The following FAM222B variants were observed in gnomAD, a reference collection of about 807,000 sequenced individuals.
The protein encoded by FAM222B is family with sequence similarity 222 member B, also known as protein FAM222B.
In FAM222B, 12 loss-of-function variants were observed where a neutral mutation model predicts 38.0. The observed-to-expected ratio is 0.32, with a 90% CI of 0.20 to 0.51. FAM222B has a LOEUF of 0.51. Ranked by LOEUF, FAM222B falls within the 20% of genes least tolerant of loss-of-function variation. The pLI, the probability that FAM222B is intolerant of heterozygous loss-of-function variation, is 0.97. For synonymous variants in FAM222B, 329 were observed against 317.2 expected, an observed-to-expected ratio of 1.04 and a Z score of -0.40; for missense variants, 716 against 754.2, an observed-to-expected ratio of 0.95 and a Z score of 0.59.
intron 1 of FAM222B, among the ~76,000 whole-genome samples, chr17:28,796,587 T>C (rs2036948348): frequency 6.6e-6 from 1 of 152,154 alleles, no homozygotes; most frequent in East Asian, 1.9e-4. Flanking sequence ...CAGTGTGTAG[T>C]AGTAAGAAGA....
intron 1 of FAM222B, among the ~76,000 whole-genome samples, chr17:28,798,974 TG>T (rs201149374): frequency 4.0e-5 from 6 of 150,272 alleles, no homozygotes; most frequent in East Asian, 2.0e-4. Flanking sequence ...GGAATCCTGT[TG>T]TTTTTTTTTT....
Position 28,756,441 on chromosome 17 carries a change from G to C in FAM222B, c.*1829C>G, listed in dbSNP as rs1597821449. 1 of 152,566 alleles carries C rather than the reference G, an allele frequency of 6.6e-6. No homozygotes were observed. Among genetic ancestry groups the C allele is most frequent in the South Asian group, 2.1e-4 (1 of 4,828 alleles). The allele number at this position is 152,566 out of a possible 1,614,324, so 9.5% of individuals were successfully genotyped here. A position where few individuals can be genotyped will look rare whatever the true frequency, so the allele number is the denominator to read the frequency against. ...AGCTCACCTTTCAGGGAGAGGTATT[G>C]GGGAGGAAAAAAAAATACAGCAAGA... On this transcript the variant is annotated 3_prime_UTR_variant, in exon 3 of 3. Coordinates refer to ENST00000581407, the MANE Select transcript of FAM222B (RefSeq NM_001077498.3).
At chr17:28,777,811 AAGGTCTCACTT>A (rs1485348436) in intron 1 of FAM222B, among the ~76,000 whole-genome samples, 2 of 151,776 alleles carry the variant, frequency 1.3e-5, no homozygotes, top group African/African-American at 4.8e-5. Flanking sequence ...TTTTTGAGAC[AAGGTCTCACTT>A]AGGTGGTCCA....
At position 28,798,592 on chromosome 17, in the gene FAM222B, G is replaced by A. The variant is rs113689773; in HGVS notation, c.-40-31885C>T. 2.7e-3 allele frequency among the ~76,000 whole-genome samples: 405 copies of A among 150,650 alleles called. 2 individuals carry two copies. The highest frequency in any genetic ancestry group is 8.8e-3 in the African/African-American group (364 of 41,194). On this transcript the variant is annotated intron_variant, in intron 1 of 2. Coordinates refer to ENST00000581407, the MANE Select transcript of FAM222B (RefSeq NM_001077498.3). ...AAAGCACTTAACCATAACTAATACA[G>A]TTTTTGTTTTCTCATGTGAAGTTTA...
chr17:28,837,344 G>A (rs574565703), intron 1 of FAM222B, among the ~76,000 whole-genome samples: 1 of 149,662 alleles, frequency 6.7e-6, no homozygotes, highest in East Asian at 2.0e-4. Flanking sequence ...GCAGGAGAAT[G>A]GCGTGAACCC....
intron 1 of FAM222B, among the ~76,000 whole-genome samples, chr17:28,826,104 C>T (rs1213583662): frequency 2.6e-5 from 4 of 151,132 alleles, no homozygotes; most frequent in Admixed American, 2.0e-4. Context: ...GAGTCTTGCT[C>T]TGTAGCCCAG....
chr17:28,761,212 C>T (rs1382961439), intron 2 of FAM222B, among the ~76,000 whole-genome samples: 8 of 152,226 alleles, frequency 5.3e-5, no homozygotes, highest in Admixed American at 5.2e-4. Flanking sequence ...GGATGTCCGG[C>T]TTCCAGTCAA....
chr17:28,850,345 G>T (rs374435178), intron 1 of FAM222B, among the ~76,000 whole-genome samples: 12 of 151,224 alleles, frequency 7.9e-5, no homozygotes, highest in Admixed American at 2.0e-4. Context: ...TCTGTCGCCC[G>T]GGCTGGAGTG....
chr17:28,781,563 T>C (rs1002556647), intron 1 of FAM222B, among the ~76,000 whole-genome samples: 3 of 152,144 alleles, frequency 2.0e-5, no homozygotes, highest in African/African-American at 7.2e-5. Flanking sequence ...AATCAGCATG[T>C]TGAAAAGATA....
At chr17:28,792,314 A>AC (rs2036735571) in intron 1 of FAM222B, among the ~76,000 whole-genome samples, 1 of 146,650 alleles carries the variant, frequency 6.8e-6, no homozygotes, top group Non-Finnish European at 1.5e-5. Flanking sequence ...TCTGTCTCAA[A>AC]AAAAAAAAAA....
intron 1 of FAM222B, among the ~76,000 whole-genome samples, chr17:28,820,651 T>G (rs2038178089): frequency 6.6e-6 from 1 of 151,932 alleles, no homozygotes; most frequent in South Asian, 2.1e-4. Context: ...TTTTTTTTTT[T>G]GAGGCGAAGT....
chr17:28,854,773 A>G (rs1166731876), intron 1 of FAM222B, among the ~76,000 whole-genome samples: 1 of 152,176 alleles, frequency 6.6e-6, no homozygotes, highest in Non-Finnish European at 1.5e-5. Flanking sequence ...AGGGCCGTTT[A>G]CAAAACTTTG....
At chr17:28,803,545 C>T (rs1017618557) in intron 1 of FAM222B, among the ~76,000 whole-genome samples, 2 of 152,046 alleles carry the variant, frequency 1.3e-5, no homozygotes, top group Non-Finnish European at 2.9e-5. Context: ...AATCCTCCTG[C>T]CTCAGTCTCC....
chr17:28,774,955 T>A (rs534640123), intron 1 of FAM222B, among the ~76,000 whole-genome samples: 13 of 141,504 alleles, frequency 9.2e-5, no homozygotes, highest in African/African-American at 2.5e-4. Context: ...ATAAATAAAT[T>A]AAATAAATAA....
intron 1 of FAM222B, among the ~76,000 whole-genome samples, chr17:28,847,835 A>C (rs2039155664): frequency 6.6e-6 from 1 of 151,486 alleles, no homozygotes; most frequent in Admixed American, 6.6e-5. Context: ...AATGGTGTGA[A>C]CCCGGGAGGC....
chr17:28,801,901 T>C (rs893565844), intron 1 of FAM222B, among the ~76,000 whole-genome samples: 1 of 152,086 alleles, frequency 6.6e-6, no homozygotes, highest in African/African-American at 2.4e-5. Flanking sequence ...TGCTTCTCCT[T>C]TGAAGCAACA....
At chr17:28,838,064 G>C (rs1202743427) in intron 1 of FAM222B, among the ~76,000 whole-genome samples, 4 of 151,898 alleles carry the variant, frequency 2.6e-5, no homozygotes, top group African/African-American at 7.3e-5. Flanking sequence ...TCAGGAGTTC[G>C]AGACCAGACT....
At chr17:28,829,418 C>T (rs142935395) in intron 1 of FAM222B, among the ~76,000 whole-genome samples, 185 of 152,108 alleles carry the variant, frequency 1.2e-3, no homozygotes, top group Non-Finnish European at 1.9e-3. Flanking sequence ...TGATCCGCCC[C>T]AACTCGGCCT....
At chr17:28,785,191 G>C (rs905340233) in intron 1 of FAM222B, among the ~76,000 whole-genome samples, 8 of 118,406 alleles carry the variant, frequency 6.8e-5, no homozygotes, top group African/African-American at 2.0e-4. Context: ...ATCTGGTATT[G>C]AATCTCTGTC....
Sources: gnomAD v4.1 joint callset for allele counts (sites outside exome capture counted in the v4.1 genomes callset) on GRCh38, gnomAD v4.1.1 for gene constraint, MANE v1.5 for transcripts, NCBI Gene and HGNC (gene_info 2026-07-23, HGNC 2026-07-21) for gene names.